The following LMX1A variants were observed in gnomAD, a reference collection of about 807,000 sequenced individuals.
LMX1A encodes LIM homeobox transcription factor 1 alpha, also known as LIM homeobox transcription factor 1-alpha.
Under a neutral mutation model 49.1 loss-of-function variants are expected in LMX1A, and 15 were observed. The ratio of observed to expected loss-of-function variants is 0.31; its 90% CI spans 0.20 to 0.47. The LOEUF is 0.47. Ranked by LOEUF, LMX1A falls within the 20% of genes least tolerant of loss-of-function variation. The pLI is 1.00. For synonymous variants in LMX1A, 167 were observed against 185.7 expected, an observed-to-expected ratio of 0.90 and a Z score of 0.82; for missense variants, 372 against 475.8, an observed-to-expected ratio of 0.78 and a Z score of 2.03.
rs144007468 is a variant in LMX1A, at chr1:165,253,560, T to A, written c.264-3920A>T. Among the ~76,000 whole-genome samples the A allele has an allele frequency of 1.5e-3, 229 of 152,288 alleles. 2 individuals carry two copies. The East Asian group carries it at 0.04, about 26-fold the overall frequency. On this transcript the variant is annotated intron_variant, in intron 3 of 8. Transcript: ENST00000342310. ...GCTTGGAAAAGATGATGAAGCCACC[T>A]CTCAGGAAACAGCCTCCTGGAACAG... is the stretch of plus-strand genomic sequence containing the variant.
At chr1:165,246,401 C>A (rs1652850363) in intron 4 of LMX1A, among the ~76,000 whole-genome samples, 1 of 152,106 alleles carries the variant, frequency 6.6e-6, no homozygotes, top group Non-Finnish European at 1.5e-5. Flanking sequence ...AAAACTACAA[C>A]AATAATTATA....
At chr1:165,225,918 C>T (rs1173302460) in intron 4 of LMX1A, among the ~76,000 whole-genome samples, 1 of 152,212 alleles carries the variant, frequency 6.6e-6, no homozygotes, top group Non-Finnish European at 1.5e-5. Context: ...AATCACAGCA[C>T]ATTCTTACTT....
rs1651348262 is a variant in LMX1A at position 165,210,776 on chromosome 1, C to A, written c.670G>T (p.Val224Leu). 6.2e-7 allele frequency: 1 copy of A among 1,612,890 alleles called. No individual in the cohort carries two copies. The highest frequency in any genetic ancestry group is 1.7e-5 in the Admixed American group (1 of 59,948). ...GTCTCTGCAGCCAGAGTCTCTCTCA[C>A]CTTGGAAAAATTGAACGAGAAATGT... ...FEVSSKPCRK[V>L]RETLAAETGL... Residue 224 changes from valine (V) to leucine (L), a missense_variant and splice_region_variant, in exon 6 of 9, where the codon GTG becomes TTG. By Grantham distance (32) the Val-to-Leu change is conservative. Around this residue, in one of 3 missense-constraint regions of LMX1A, gnomAD observed 46 missense variants for 93.8 expected, o/e 0.49. Transcript: ENST00000342310.
intron 2 of LMX1A, 72 bp from the exon 3 acceptor site, chr1:165,353,334 G>T: frequency 7.9e-7 from 1 of 1,258,880 alleles, no homozygotes; most frequent in Non-Finnish European, 1.1e-6. Flanking sequence ...GCCGGGACCC[G>T]CTCCTGATCC....
At chr1:165,315,507 G>T (rs1655192177) in intron 3 of LMX1A, among the ~76,000 whole-genome samples, 1 of 152,228 alleles carries the variant, frequency 6.6e-6, no homozygotes, top group Non-Finnish European at 1.5e-5. Flanking sequence ...TATGGAAGAA[G>T]GTTAAAATAA....
At chr1:165,296,185 C>G (rs1387825212) in intron 3 of LMX1A, among the ~76,000 whole-genome samples, 1 of 152,222 alleles carries the variant, frequency 6.6e-6, no homozygotes, top group Non-Finnish European at 1.5e-5. Flanking sequence ...TGGTGAGCAC[C>G]AAACATGCAT....
intron 3 of LMX1A, among the ~76,000 whole-genome samples, chr1:165,256,058 T>C (rs10918144): frequency 0.25 from 38,055 of 151,948 alleles, 4,921 homozygotes; most frequent in Admixed American, 0.29. Flanking sequence ...GACATGGGCA[T>C]GACTGCATCT....
intron 3 of LMX1A, among the ~76,000 whole-genome samples, chr1:165,311,597 A>G (rs972392515): frequency 1.3e-5 from 2 of 152,228 alleles, no homozygotes; most frequent in African/African-American, 4.8e-5. Context: ...ACACACTCCA[A>G]ACTTTGAAGA....
At chr1:165,244,543 A>T (rs186629637) in intron 4 of LMX1A, among the ~76,000 whole-genome samples, 1 of 152,258 alleles carries the variant, frequency 6.6e-6, no homozygotes, top group East Asian at 1.9e-4. Flanking sequence ...CCACTGGAGA[A>T]TTGCTTGGTA....
chr1:165,284,037 C>G (rs1031567198), intron 3 of LMX1A, among the ~76,000 whole-genome samples: 5 of 152,204 alleles, frequency 3.3e-5, no homozygotes, highest in Non-Finnish European at 7.3e-5. Context: ...TCTCTATGGT[C>G]CACTCTGAAT....
intron 3 of LMX1A, among the ~76,000 whole-genome samples, chr1:165,278,943 C>A (rs1343883637): frequency 3.9e-5 from 6 of 152,148 alleles, no homozygotes; most frequent in Admixed American, 2.6e-4. Context: ...TATACAACAC[C>A]CTGAGGGAAC....
chr1:165,335,779 A>C (rs1482203062), intron 3 of LMX1A, among the ~76,000 whole-genome samples: 1 of 152,128 alleles, frequency 6.6e-6, no homozygotes, highest in Non-Finnish European at 1.5e-5. Flanking sequence ...TGAAGCTCCA[A>C]ACCAAGTATT....
intron 3 of LMX1A, among the ~76,000 whole-genome samples, chr1:165,308,202 G>A (rs934933567): frequency 1.3e-5 from 2 of 152,196 alleles, no homozygotes; most frequent in Non-Finnish European, 2.9e-5. Context: ...GCTGGTCCCT[G>A]GACCACTGGG....
At chr1:165,268,380 T>C (rs1054530568) in intron 3 of LMX1A, among the ~76,000 whole-genome samples, 1 of 152,208 alleles carries the variant, frequency 6.6e-6, no homozygotes, top group Non-Finnish European at 1.5e-5. Context: ...AAGGCCAAGA[T>C]CATGAATGGT....
At chr1:165,221,896 C>T (rs968921169) in intron 4 of LMX1A, among the ~76,000 whole-genome samples, 5 of 147,846 alleles carry the variant, frequency 3.4e-5, no homozygotes, top group African/African-American at 1.0e-4. Flanking sequence ...TACCTTAGCT[C>T]TGTCTCCACT....
intron 8 of LMX1A, among the ~76,000 whole-genome samples, chr1:165,204,679 C>T (rs1012844176): frequency 6.6e-6 from 1 of 152,204 alleles, no homozygotes; most frequent in Non-Finnish European, 1.5e-5. Context: ...GAGGTGAAAA[C>T]TGGAGTTTAT....
At chr1:165,210,908 G>C (rs1309904899) in intron 5 of LMX1A, 132 bp from the exon 6 acceptor site, 3 of 479,330 alleles carry the variant, frequency 6.3e-6, no homozygotes, top group Non-Finnish European at 1.1e-5. Context: ...TTAATGTTGA[G>C]CATACACACA....
intron 4 of LMX1A, chr1:165,216,001 T>A (rs532134392): frequency 6.6e-6 from 1 of 152,318 alleles, no homozygotes; most frequent in South Asian, 2.1e-4. Context: ...GTCTTTTCCC[T>A]CTGCCTCACC....
rs779034686 is a variant in LMX1A at position 165,210,825 on chromosome 1, G to T, written c.670-49C>A. 4.2e-6 allele frequency: 6 copies of T among 1,432,984 alleles called. No homozygotes were observed. In the Admixed American group the frequency reaches 6.8e-5, roughly 16 times the overall value. 88.8% of individuals were successfully genotyped at this position (1,432,984 alleles called of 1,614,324 possible). On this transcript the variant is annotated intron_variant, in intron 5 of 8. Transcript: ENST00000342310. ...GTAGACACACTGGCATCTCAGGGTA[G>T]GAGGTAGAACATCTCCTATATAATA...
Sources: gnomAD v4.1 joint callset for allele counts (sites outside exome capture counted in the v4.1 genomes callset) on GRCh38, gnomAD v4.1.1 for gene constraint, gnomAD v4.1.1 regional missense constraint, MANE v1.5 for transcripts, NCBI Gene and HGNC (gene_info 2026-07-23, HGNC 2026-07-21) for gene names.